FXN: variants seen among roughly 807,000 people sequenced by gnomAD.
FXN encodes the protein frataxin.
Under a neutral mutation model 22.4 loss-of-function variants are expected in FXN, and 14 were observed. That is an observed-to-expected ratio of 0.62 (90% CI 0.41 to 0.98). The LOEUF (loss-of-function observed/expected upper bound fraction) is 0.98. Ranked by LOEUF, FXN falls within the 50% of genes least tolerant of loss-of-function variation. FXN has a pLI of 0.00. For missense variants in FXN, 267 were observed against 268.4 expected (o/e 0.99, Z 0.04); for synonymous variants, 120 against 114.1 (o/e 1.05, Z -0.33).
At chr9:69,037,270 C>CAAAA (rs1203904162) in intron 1 of FXN, among the ~76,000 whole-genome samples, 1 of 80,658 alleles carries the variant, frequency 1.2e-5, no homozygotes, top group African/African-American at 4.7e-5. Flanking sequence ...CTAAAAAATA[C>CAAAA]AAAAAAAAAA....
intron 3 of FXN, 123 bp downstream of exon 3, chr9:69,053,383 A>C: frequency 8.0e-7 from 1 of 1,247,376 alleles, no homozygotes; most frequent in Non-Finnish European, 1.2e-6. Context: ...TAGGATTAAA[A>C]GACTAGGGTT....
intron 4 of FXN, among the ~76,000 whole-genome samples, chr9:69,070,682 A>G (rs576458206): frequency 6.6e-6 from 1 of 152,318 alleles, no homozygotes; most frequent in South Asian, 2.1e-4. Flanking sequence ...TTAGGATGGT[A>G]AGGCACTATT....
rs537094875 is a variant in FXN, at chr9:69,070,483, G to A, written c.483-2129G>A. 7.9e-5 allele frequency among the ~76,000 whole-genome samples: 12 copies of A among 152,294 alleles called. No individual in the cohort carries two copies. The East Asian group carries it at 2.1e-3, about 27-fold the overall frequency. On this transcript the variant is annotated intron_variant, in intron 4 of 4. Coordinates refer to ENST00000484259, the MANE Select transcript of FXN (RefSeq NM_000144.5). The stretch of plus-strand genomic sequence containing the variant: ...GGAGGGAGGCAGGTAACGATGCGAG[G>A]GCTTGGATGCAGAACACCAGCTGGT...
chr9:69,052,305 C>A (rs1490270959), intron 2 of FXN, among the ~76,000 whole-genome samples: 2 of 152,032 alleles, frequency 1.3e-5, no homozygotes, highest in African/African-American at 4.8e-5. Flanking sequence ...CAGGCGTGCA[C>A]CACAAGCCCA....
rs1832411041 is a variant in FXN at position 69,078,506 on chromosome 9, T to TTA, written c.*5744_*5745insTA. The TTA allele has an allele frequency of 1.5e-6, 1 of 666,196 alleles. No homozygotes were observed. The highest frequency in any genetic ancestry group is 1.8e-6 in the Non-Finnish European group (1 of 562,974). The allele number at this position is 666,196 out of a possible 1,614,324, so 41.3% of individuals were successfully genotyped here. ...CCAGGGTAAGCTTTCAGAAAGGCAA[T>TTA]CTCTTGTCTGTAAAACCTAAGCAGG... On this transcript the variant is annotated 3_prime_UTR_variant, in exon 5 of 5. Transcript: ENST00000484259.
At chr9:69,036,563 C>G (rs574240706) in intron 1 of FXN, among the ~76,000 whole-genome samples, 1 of 152,360 alleles carries the variant, frequency 6.6e-6, no homozygotes, top group South Asian at 2.1e-4. Context: ...TTCTGCCCCA[C>G]TCCGCAGAGC....
At position 69,078,741 on chromosome 9, in the gene FXN, C is replaced by T; in HGVS notation, c.*5979C>T. On this transcript the variant is annotated 3_prime_UTR_variant, in exon 5 of 5. Transcript: ENST00000484259. ...CTGTTTCCATTTTGGTCTTTATTCC[C>T]CACATCTCTGCCTGGGGGGTAGATT... The T allele has an allele frequency of 1.0e-6, 1 of 985,638 alleles. No individual in the cohort carries two copies. The highest frequency in any genetic ancestry group is 1.2e-6 in the Non-Finnish European group (1 of 830,016). The allele number at this position is 985,638 out of a possible 1,614,324, so 61.1% of individuals were successfully genotyped here.
chr9:69,043,468 GA>G, intron 1 of FXN: 1 of 152,290 alleles, frequency 6.6e-6, no homozygotes, highest in Non-Finnish European at 1.5e-5. Flanking sequence ...CAGGCTGCTG[GA>G]GTGCAATGGT....
Position 69,076,729 on chromosome 9 carries a change from T to TG in FXN, c.*3967_*3968insG. 1 of 985,414 alleles carries TG rather than the reference T, an allele frequency of 1.0e-6. No individual in the cohort carries two copies. Among genetic ancestry groups the TG allele is most frequent in the Non-Finnish European group, 1.2e-6 (1 of 829,946 alleles). The allele number at this position is 985,414 out of a possible 1,614,324, so 61.0% of individuals were successfully genotyped here. On this transcript the variant is annotated 3_prime_UTR_variant, in exon 5 of 5. Transcript: ENST00000484259. Reference sequence around the variant, plus strand: ...CGCTTTACGCTTCCAAGGTACACACTAAGATGAAAGTAATTTTAGTCCGTG... The same window carrying TG: ...CGCTTTACGCTTCCAAGGTACACACTGAAGATGAAAGTAATTTTAGTCCGTG...
chr9:69,079,053 C>G lies in FXN; in HGVS notation c.*6291C>G. ...TAATTATATGTTTAAGATAGTTGTT[C>G]AAATAAACTCTAAATAACCCCAACT... On this transcript the variant is annotated 3_prime_UTR_variant, in exon 5 of 5. Transcript: ENST00000484259. 1.1e-6 allele frequency: 1 copy of G among 882,684 alleles called. No homozygotes were observed. The highest frequency in any genetic ancestry group is 1.4e-6 in the Non-Finnish European group (1 of 736,772). 54.7% of individuals were successfully genotyped at this position (882,684 alleles called of 1,614,324 possible).
chr9:69,073,586 G>T lies in FXN; in HGVS notation c.*824G>T, dbSNP rs1459337158. The stretch of plus-strand genomic sequence containing the variant: ...TGTAAACATGAAGGGGCAGATAAAG[G>T]AAGGAGATACTCATGTTGATAAAGA... On this transcript the variant is annotated 3_prime_UTR_variant, in exon 5 of 5. Transcript: ENST00000484259. The T allele has an allele frequency of 7.1e-6, 7 of 985,270 alleles. No homozygotes were observed. Among genetic ancestry groups the T allele is most frequent in the Non-Finnish European group, 8.4e-6 (7 of 829,952 alleles). 61.0% of individuals were successfully genotyped at this position (985,270 alleles called of 1,614,324 possible).
At chr9:69,056,129 T>A (rs1831953113) in intron 3 of FXN, among the ~76,000 whole-genome samples, 1 of 152,100 alleles carries the variant, frequency 6.6e-6, no homozygotes, top group Non-Finnish European at 1.5e-5. Context: ...TTCTCTCACC[T>A]CGGCCTCCCA....
chr9:69,053,059 A>T (rs1405745661), intron 2 of FXN, 81 bp from the exon 3 acceptor site: 4 of 1,388,446 alleles, frequency 2.9e-6, no homozygotes, highest in Non-Finnish European at 3.9e-6. Flanking sequence ...TAATGAATTT[A>T]AATAACAAAT....
At position 69,062,720 on chromosome 9, in the gene FXN, A is replaced by C. The variant is rs572084867; in HGVS notation, c.385-2218A>C. ...AATAGAAAGTAGACAGGTGGTTACTAAGGGCTATGGGATGGGGAAATTAGT... is the reference window on the plus strand; with the variant it reads ...AATAGAAAGTAGACAGGTGGTTACTCAGGGCTATGGGATGGGGAAATTAGT... On this transcript the variant is annotated intron_variant, in intron 3 of 4. Coordinates refer to ENST00000484259, the MANE Select transcript of FXN (RefSeq NM_000144.5). Among the ~76,000 whole-genome samples the C allele has an allele frequency of 2.6e-5, 4 of 152,232 alleles. No individual in the cohort carries two copies. The East Asian group carries it at 7.7e-4, about 29-fold the overall frequency.
At chr9:69,041,761 G>A (rs1831660639) in intron 1 of FXN, among the ~76,000 whole-genome samples, 1 of 152,176 alleles carries the variant, frequency 6.6e-6, no homozygotes, top group African/African-American at 2.4e-5. Context: ...CCTGACCACT[G>A]GGCCTGAGAC....
chr9:69,064,001 C>T (rs1225021711), intron 3 of FXN, among the ~76,000 whole-genome samples: 2 of 152,150 alleles, frequency 1.3e-5, no homozygotes, highest in Non-Finnish European at 2.9e-5. Flanking sequence ...TCTGTGTTTG[C>T]AAAAGTGTGT....
chr9:69,042,033 G>A (rs1452703165), intron 1 of FXN, among the ~76,000 whole-genome samples: 1 of 152,120 alleles, frequency 6.6e-6, no homozygotes, highest in African/African-American at 2.4e-5. Flanking sequence ...ATGAGGTCAG[G>A]AGTGAGACCA....
intron 4 of FXN, among the ~76,000 whole-genome samples, chr9:69,069,052 A>G (rs967390952): frequency 1.3e-5 from 2 of 152,246 alleles, no homozygotes; most frequent in Non-Finnish European, 2.9e-5. Context: ...ATTGCGAGAC[A>G]GAAGCAATGC....
chr9:69,047,722 C>T (rs1420095821), intron 2 of FXN, among the ~76,000 whole-genome samples: 3 of 151,968 alleles, frequency 2.0e-5, no homozygotes, highest in African/African-American at 7.2e-5. Flanking sequence ...CTCTCTCTCT[C>T]TCTTTTTTTT....
Sources: allele counts gnomAD v4.1 joint callset (sites outside exome capture counted in the v4.1 genomes callset), GRCh38; gene constraint gnomAD v4.1.1; transcripts MANE v1.5; gene names NCBI Gene and HGNC (gene_info 2026-07-23, HGNC 2026-07-21).